CDH13: variants seen among roughly 807,000 people sequenced by gnomAD.
CDH13 encodes the protein cadherin 13.
CDH13 carries 24 observed loss-of-function variants against 63.8 expected under a neutral mutation model. The ratio of observed to expected loss-of-function variants is 0.38; its 90% confidence interval spans 0.27 to 0.53. The LOEUF is 0.53. CDH13 is among the 20% of genes least tolerant of loss of function. The pLI is 0.85. For missense variants in CDH13, 1,049 were observed against 903.1 expected (o/e 1.16, Z -2.07); for synonymous variants, 503 against 355.3 (o/e 1.42, Z -4.67).
At chr16:82,978,921 C>G (rs970399743) in intron 2 of CDH13, among the ~76,000 whole-genome samples, 1 of 152,096 alleles carries the variant, frequency 6.6e-6, no homozygotes, top group African/African-American at 2.4e-5. Flanking sequence ...CACAGACACT[C>G]AAAGCTAGCC....
intron 2 of CDH13, among the ~76,000 whole-genome samples, chr16:82,897,874 T>G (rs1485841916): frequency 6.6e-6 from 1 of 152,232 alleles, no homozygotes; most frequent in African/African-American, 2.4e-5. Context: ...ATTTATTCAT[T>G]GTTCACTAGT....
At chr16:82,787,352 C>G (rs1034716038) in intron 1 of CDH13, among the ~76,000 whole-genome samples, 2 of 152,168 alleles carry the variant, frequency 1.3e-5, no homozygotes, top group Non-Finnish European at 2.9e-5. Flanking sequence ...CAAACAGCAG[C>G]ACATATGTCC....
At chr16:83,672,603 T>C (rs115518606) in intron 9 of CDH13, among the ~76,000 whole-genome samples, 2,748 of 151,728 alleles carry the variant, frequency 0.018, 101 homozygotes, top group African/African-American at 0.064. Flanking sequence ...TTTTGTATTT[T>C]CAATAGAGAC....
At chr16:83,549,683 C>A (rs1598273018) in intron 7 of CDH13, among the ~76,000 whole-genome samples, 1 of 151,402 alleles carries the variant, frequency 6.6e-6, no homozygotes, top group Non-Finnish European at 1.5e-5. Flanking sequence ...AAAATCTGCT[C>A]AGCATGAGAA....
At chr16:83,271,617 C>G (rs910879002) in intron 5 of CDH13, among the ~76,000 whole-genome samples, 1 of 151,428 alleles carries the variant, frequency 6.6e-6, no homozygotes, top group Non-Finnish European at 1.5e-5. Flanking sequence ...AATCATACAA[C>G]CGCTGGTTTC....
At chr16:83,105,291 T>C (rs1216745984) in intron 3 of CDH13, among the ~76,000 whole-genome samples, 1 of 152,220 alleles carries the variant, frequency 6.6e-6, no homozygotes, top group African/African-American at 2.4e-5. Flanking sequence ...TGATACAAAG[T>C]CAAACGCTGT....
At position 83,080,745 on chromosome 16, in the gene CDH13, T is replaced by TGA. The variant is rs144215064; in HGVS notation, c.367-44639_367-44638insAG. On this transcript the variant is annotated intron_variant, in intron 3 of 13. Transcript: ENST00000567109. ...TAGAGGCGGCAATGGGGGGTGACTTTGTTCTAACCCACAAGGAAGATTATT... is the reference window on the plus strand; with the variant it reads ...TAGAGGCGGCAATGGGGGGTGACTTTGAGTTCTAACCCACAAGGAAGATTATT... 6.6e-3 allele frequency among the ~76,000 whole-genome samples: 1,006 copies of TGA among 152,188 alleles called. 15 individuals carry two copies. The highest frequency in any genetic ancestry group is 0.022 in the African/African-American group (898 of 41,520).
At chr16:82,705,106 T>A in intron 1 of CDH13, 1 of 455,864 alleles carries the variant, frequency 2.2e-6, no homozygotes, top group South Asian at 1.5e-5. Context: ...ACCTGCAATT[T>A]ATCAAAAATA....
intron 5 of CDH13, among the ~76,000 whole-genome samples, chr16:83,261,206 C>G (rs879762937): frequency 3.3e-5 from 5 of 152,112 alleles, no homozygotes; most frequent in Non-Finnish European, 7.4e-5. Context: ...TGGGCAGATA[C>G]AGCCACAGCA....
At chr16:83,032,298 A>C in intron 3 of CDH13, 80 bp downstream of exon 3, 1 of 1,069,302 alleles carries the variant, frequency 9.4e-7, no homozygotes, top group African/African-American at 1.6e-5. Flanking sequence ...TGGGTCTTTA[A>C]TTTATTATGT....
At chr16:83,705,639 A>C (rs896514381) in intron 10 of CDH13, among the ~76,000 whole-genome samples, 7 of 152,200 alleles carry the variant, frequency 4.6e-5, no homozygotes, top group Admixed American at 3.3e-4. Flanking sequence ...AAGAAAAAGA[A>C]TGATATTAGC....
intron 6 of CDH13, among the ~76,000 whole-genome samples, chr16:83,373,753 T>A (rs909820782): frequency 6.6e-6 from 1 of 152,224 alleles, no homozygotes; most frequent in African/African-American, 2.4e-5. Flanking sequence ...TTGAGGGATC[T>A]TCGATAAAAT....
chr16:83,079,600 G>C (rs1235346966), intron 3 of CDH13, among the ~76,000 whole-genome samples: 1 of 152,192 alleles, frequency 6.6e-6, no homozygotes, highest in Admixed American at 6.5e-5. Flanking sequence ...ACTCAAATTA[G>C]GTGCTACTTG....
At chr16:82,735,704 C>G (rs1000079952) in intron 1 of CDH13, among the ~76,000 whole-genome samples, 1 of 152,192 alleles carries the variant, frequency 6.6e-6, no homozygotes, top group Non-Finnish European at 1.5e-5. Flanking sequence ...CCACTGTGAT[C>G]TGAGGAAAGC....
At chr16:83,782,727 C>G (rs1308438668) in intron 12 of CDH13, among the ~76,000 whole-genome samples, 2 of 144,004 alleles carry the variant, frequency 1.4e-5, no homozygotes, top group Non-Finnish European at 3.0e-5. Context: ...CAGAGTGAGA[C>G]CCTGTCTCGA....
intron 8 of CDH13, among the ~76,000 whole-genome samples, chr16:83,667,061 G>T (rs1005120666): frequency 1.7e-4 from 25 of 151,152 alleles, no homozygotes; most frequent in Non-Finnish European, 2.9e-5. Context: ...ATGGATGGAT[G>T]ATGAATGGAA....
chr16:83,440,697 A>G (rs2072454638), intron 6 of CDH13, among the ~76,000 whole-genome samples: 1 of 150,270 alleles, frequency 6.7e-6, no homozygotes, highest in Admixed American at 6.6e-5. Context: ...CGGCAGGAGA[A>G]TTGCTTGAAC....
At chr16:82,898,336 C>G (rs996036472) in intron 2 of CDH13, among the ~76,000 whole-genome samples, 1 of 152,072 alleles carries the variant, frequency 6.6e-6, no homozygotes, top group African/African-American at 2.4e-5. Flanking sequence ...ACCAGCCTGG[C>G]CAACATCGTG....
intron 8 of CDH13, among the ~76,000 whole-genome samples, chr16:83,634,039 A>G (rs1911016496): frequency 6.6e-6 from 1 of 152,086 alleles, no homozygotes; most frequent in Non-Finnish European, 1.5e-5. Flanking sequence ...GTGCAACAAT[A>G]CCAAGAGCAG....
Sources: allele counts gnomAD v4.1 joint callset (sites outside exome capture counted in the v4.1 genomes callset), GRCh38; gene constraint gnomAD v4.1.1; transcripts MANE v1.5; gene names NCBI Gene and HGNC (gene_info 2026-07-23, HGNC 2026-07-21).